Variants in PTCHD4 observed in about 807,000 individuals in gnomAD.
The protein encoded by PTCHD4 is patched domain containing 4.
PTCHD4 carries 33 observed loss-of-function variants against 58.1 expected under a neutral mutation model. The ratio of observed to expected loss-of-function variants is 0.57; its 90% CI spans 0.43 to 0.76. The LOEUF (loss-of-function observed/expected upper bound fraction) is 0.76. Among genes scored for constraint, PTCHD4 ranks in the 30% least tolerant of loss-of-function variants. PTCHD4 has a pLI of 0.00. For missense variants in PTCHD4, 1,058 were observed against 1,027.1 expected, an observed-to-expected ratio of 1.03 and a Z score of -0.41; for synonymous variants, 478 against 409.6, an observed-to-expected ratio of 1.17 and a Z score of -2.02.
intron 1 of PTCHD4, among the ~76,000 whole-genome samples, chr6:48,088,796 C>A (rs915504400): frequency 1.3e-5 from 2 of 152,078 alleles, no homozygotes; most frequent in East Asian, 3.9e-4. Flanking sequence ...GTAATCCCAG[C>A]GCTCTGGGAG....
chr6:47,859,586 A>T lies in PTCHD4; in HGVS notation c.*18717T>A, dbSNP rs1273550361. Among the ~76,000 whole-genome samples, 2 of 151,932 alleles carry T rather than the reference A, an allele frequency of 1.3e-5. No homozygotes were observed. The highest frequency in any genetic ancestry group is 2.4e-5 in the African/African-American group (1 of 41,396). Reference sequence around the variant, plus strand: ...TTGTCAAATATTTATTGAATGCCTAACATGTGCCTGGCACCCTTCAGGGTA... The same window carrying T: ...TTGTCAAATATTTATTGAATGCCTATCATGTGCCTGGCACCCTTCAGGGTA... On this transcript the variant is annotated 3_prime_UTR_variant, in exon 5 of 5. Transcript: ENST00000339488.
intron 4 of PTCHD4, among the ~76,000 whole-genome samples, chr6:47,934,411 C>T (rs1765930323): frequency 6.6e-6 from 1 of 151,414 alleles, no homozygotes; most frequent in South Asian, 2.1e-4. Flanking sequence ...AGTCCTGCAG[C>T]ACAATTATGT....
intron 4 of PTCHD4, among the ~76,000 whole-genome samples, chr6:47,964,753 C>G (rs765991010): frequency 6.6e-6 from 1 of 152,052 alleles, no homozygotes; most frequent in African/African-American, 2.4e-5. Flanking sequence ...TATGTCAAAA[C>G]CAAAGTTCCA....
intron 4 of PTCHD4, among the ~76,000 whole-genome samples, chr6:47,881,809 T>C (rs975081987): frequency 1.3e-5 from 2 of 152,180 alleles, no homozygotes; most frequent in Non-Finnish European, 2.9e-5. Context: ...TTGGAATTCT[T>C]TTTACCGCTA....
chr6:48,108,467 G>A (rs557564448), intron 1 of PTCHD4, among the ~76,000 whole-genome samples: 20 of 152,160 alleles, frequency 1.3e-4, no homozygotes, highest in South Asian at 1.2e-3. Context: ...TGGGGGGAGC[G>A]GGGAGGGATA....
chr6:47,941,960 T>C (rs1446370624), intron 4 of PTCHD4, among the ~76,000 whole-genome samples: 1 of 152,240 alleles, frequency 6.6e-6, no homozygotes, highest in African/African-American at 2.4e-5. Context: ...TGGACATTTC[T>C]GAAGTTGTGT....
At chr6:47,981,483 G>T (rs542800895) in intron 4 of PTCHD4, among the ~76,000 whole-genome samples, 3 of 151,670 alleles carry the variant, frequency 2.0e-5, no homozygotes. Context: ...CCCTAGAGGC[G>T]TCATGGTGTT....
chr6:48,036,926 G>A (rs1035708815), intron 3 of PTCHD4, among the ~76,000 whole-genome samples: 2 of 152,110 alleles, frequency 1.3e-5, no homozygotes, highest in African/African-American at 2.4e-5. Context: ...ACATTTGTGA[G>A]TGGAAGACAT....
chr6:47,992,797 A>G (rs548984112), intron 4 of PTCHD4, among the ~76,000 whole-genome samples: 69 of 152,328 alleles, frequency 4.5e-4, no homozygotes, highest in Middle Eastern at 3.4e-3. Context: ...TTTTGTAATG[A>G]AAACATGAAT....
intron 4 of PTCHD4, among the ~76,000 whole-genome samples, chr6:47,974,105 G>T: frequency 6.6e-6 from 1 of 152,222 alleles, no homozygotes. Context: ...AGAAGAAGAC[G>T]GGAATGAGTA....
At position 47,874,035 on chromosome 6, in the gene PTCHD4, A is replaced by G. The variant is rs1196890586; in HGVS notation, c.*4268T>C. Among the ~76,000 whole-genome samples, 2 of 151,718 alleles carry G rather than the reference A, an allele frequency of 1.3e-5. No homozygotes were observed. The highest frequency in any genetic ancestry group is 2.1e-4 in the South Asian group (1 of 4,832). On this transcript the variant is annotated 3_prime_UTR_variant, in exon 5 of 5. Coordinates refer to ENST00000339488, the MANE Select transcript of PTCHD4 (RefSeq NM_001384253.1). ...CAAATCATTGACTTCTCCAATCTCT[A>G]AGAGACAATATCTAAATGTCAGTCT...
intron 4 of PTCHD4, among the ~76,000 whole-genome samples, chr6:47,906,369 C>T (rs1764886346): frequency 6.6e-6 from 1 of 152,190 alleles, no homozygotes; most frequent in Non-Finnish European, 1.5e-5. Context: ...TTTCCTTGCC[C>T]TCCAAGCTGG....
At chr6:48,076,541 A>C (rs993734919) in intron 1 of PTCHD4, among the ~76,000 whole-genome samples, 14 of 152,216 alleles carry the variant, frequency 9.2e-5, no homozygotes, top group African/African-American at 3.4e-4. Flanking sequence ...GGTTGAAATT[A>C]CTTCTTGATT....
At chr6:47,971,873 CA>C (rs1767526016) in intron 4 of PTCHD4, among the ~76,000 whole-genome samples, 1 of 152,112 alleles carries the variant, frequency 6.6e-6, no homozygotes, top group African/African-American at 2.4e-5. Flanking sequence ...CAGAGGGCTC[CA>C]GGAGTGACTG....
At chr6:47,965,045 G>C (rs1278011674) in intron 4 of PTCHD4, among the ~76,000 whole-genome samples, 1 of 152,046 alleles carries the variant, frequency 6.6e-6, no homozygotes, top group Non-Finnish European at 1.5e-5. Flanking sequence ...TTGTTATTTG[G>C]AAAATACCTG....
Position 47,861,946 on chromosome 6 carries a change from A to C in PTCHD4, c.*16357T>G, listed in dbSNP as rs1360075. ...TTTCCTAGTTCCTAGGTAACTGTCC[A>C]TATTTCCTGTTATCGAAAAAGTTCT... On this transcript the variant is annotated 3_prime_UTR_variant, in exon 5 of 5. Transcript: ENST00000339488. Among the ~76,000 whole-genome samples, 1 of 151,572 alleles carries C rather than the reference A, an allele frequency of 6.6e-6. No homozygotes were observed. The highest frequency in any genetic ancestry group is 2.4e-5 in the African/African-American group (1 of 41,308).
intron 4 of PTCHD4, among the ~76,000 whole-genome samples, chr6:47,992,446 C>A (rs767335228): frequency 6.6e-6 from 1 of 152,108 alleles, no homozygotes; most frequent in Non-Finnish European, 1.5e-5. Context: ...ATTAAGAAAA[C>A]GTGCTCAGGA....
At chr6:48,023,949 T>C (rs1015487588) in intron 3 of PTCHD4, among the ~76,000 whole-genome samples, 1 of 152,250 alleles carries the variant, frequency 6.6e-6, no homozygotes, top group East Asian at 1.9e-4. Context: ...TGGCTTGCAG[T>C]AGTGGTTTGG....
chr6:47,924,381 G>A lies in PTCHD4; in HGVS notation c.899-44445C>T, dbSNP rs193172429. The stretch of plus-strand genomic sequence containing the variant: ...TTATTATCAAAGTGAAGATTAAGAT[G>A]ACTTTGAAACTCAGTGGCACAGAGG... On this transcript the variant is annotated intron_variant, in intron 4 of 4. Transcript: ENST00000339488. 2.8e-3 allele frequency among the ~76,000 whole-genome samples: 423 copies of A among 152,248 alleles called. 3 individuals carry two copies. Among genetic ancestry groups the A allele is most frequent in the African/African-American group, 9.7e-3 (403 of 41,556 alleles).
Sources: allele counts gnomAD v4.1 joint callset (sites outside exome capture counted in the v4.1 genomes callset), GRCh38; gene constraint gnomAD v4.1.1; transcripts MANE v1.5; gene names NCBI Gene and HGNC (gene_info 2026-07-23, HGNC 2026-07-21).